Variants in MGAT1 observed in about 807,000 individuals in gnomAD.
MGAT1 encodes alpha-1,3-mannosyl-glycoprotein 2-beta-N-acetylglucosaminyltransferase, also known as N-glycosyl-oligosaccharide-glycoprotein N-acetylglucosaminyltransferase I.
MGAT1 carries 14 observed loss-of-function variants against 31.7 expected under a neutral mutation model. The observed-to-expected ratio is 0.44, with a 90% CI of 0.29 to 0.69. The LOEUF (loss-of-function observed/expected upper bound fraction) is 0.69. Among genes scored for constraint, MGAT1 ranks in the 30% least tolerant of loss-of-function variants. The pLI, the probability that MGAT1 is intolerant of heterozygous loss-of-function variation, is 0.12. For missense variants in MGAT1, 557 were observed against 626.0 expected, an observed-to-expected ratio of 0.89 and a Z score of 1.18; for synonymous variants, 338 against 276.0, an observed-to-expected ratio of 1.22 and a Z score of -2.23.
rs955599860 is a variant in MGAT1 at position 180,790,560 on chromosome 5, C to G, written c.*1074G>C. On this transcript the variant is annotated 3_prime_UTR_variant, in exon 2 of 2. Transcript: ENST00000307826. The stretch of plus-strand genomic sequence containing the variant: ...CATAAATATTTTTCAGACAATTCAG[C>G]CTTTATTTTAGAAAATAATTCTGTA... The G allele has an allele frequency of 1.3e-5, 2 of 152,262 alleles. No individual in the cohort carries two copies. Among genetic ancestry groups the G allele is most frequent in the Non-Finnish European group, 2.9e-5 (2 of 68,068 alleles). The allele number at this position is 152,262 out of a possible 1,614,324, so 9.4% of individuals were successfully genotyped here. A position where few individuals can be genotyped will look rare whatever the true frequency, so the allele number is the denominator to read the frequency against.
Position 180,792,370 on chromosome 5 carries a change from CG to C in MGAT1, c.601del (p.Arg201AlafsTer29). ...WALGQVFRQF[R>X]FPAAVVVEDD... is the part of the protein sequence containing the mutation. The stretch of plus-strand genomic sequence containing the variant: ...CTCCACCACCACGGCCGCGGGGAAG[CG>C]AAACTGCCGGAAGACCTGGCCCAGC... On this transcript the variant is annotated frameshift_variant, in exon 2 of 2. Transcript: ENST00000307826. LOFTEE classifies it high-confidence loss of function. 1 of 1,610,790 alleles carries C rather than the reference CG, an allele frequency of 6.2e-7. No individual in the cohort carries two copies. The highest frequency in any genetic ancestry group is 8.5e-7 in the Non-Finnish European group (1 of 1,178,020).
chr5:180,806,172 G>C (rs959053847), upstream of MGAT1, among the ~76,000 whole-genome samples: 2 of 152,094 alleles, frequency 1.3e-5, no homozygotes, highest in African/African-American at 4.8e-5. Context: ...TGTAGTCCCA[G>C]CTACTTGGGA....
rs76809244 is a variant in MGAT1 at position 180,789,077 on chromosome 5, C to G, written c.*2557G>C. 10,920 of 152,236 alleles carry G rather than the reference C, an allele frequency of 0.072. 510 individuals carry two copies. The highest frequency in any genetic ancestry group is 0.18 in the South Asian group (856 of 4,824). 9.4% of individuals were successfully genotyped at this position (152,236 alleles called of 1,614,324 possible). ...AATATGGCTAAATAATCCATCTAAGCAACAGGGGAAGGCAAAACCCGCTCC... is the reference window on the plus strand; with the variant it reads ...AATATGGCTAAATAATCCATCTAAGGAACAGGGGAAGGCAAAACCCGCTCC... On this transcript the variant is annotated 3_prime_UTR_variant, in exon 2 of 2. Transcript: ENST00000307826.
Position 180,791,806 on chromosome 5 carries a change from G to C in MGAT1, c.1166C>G (p.Thr389Arg). Residue 389 changes from threonine to arginine, a missense_variant, in exon 2 of 2, where the codon ACG becomes AGG. Thr to Arg is a moderately conservative substitution (Grantham distance 71). This residue lies in a region of MGAT1 where 145 missense variants were observed against 143.2 expected (regional missense o/e 1.01). Transcript: ENST00000307826. The part of the protein sequence containing the change: ...KELGEVRVQY[T>R]GRDSFKAFAK... ...GAAAGCCTTGAAGCTGTCCCTGCCC[G>C]TATACTGCACCCGCACCTCCCCCAG... 6.2e-7 allele frequency: 1 copy of C among 1,614,180 alleles called. No individual in the cohort carries two copies. The highest frequency in any genetic ancestry group is 8.5e-7 in the Non-Finnish European group (1 of 1,180,010).
chr5:180,815,373 A>G (rs934290809), intron 1 of MGAT1: 1 of 152,418 alleles, frequency 6.6e-6, no homozygotes, highest in African/African-American at 2.4e-5. Context: ...CACATGTCCA[A>G]TTCCCTGCTT....
At chr5:180,805,480 A>G (rs58072284), upstream of MGAT1, among the ~76,000 whole-genome samples, 23,336 of 152,190 alleles carry the variant, frequency 0.15, 1,977 homozygotes, top group East Asian at 0.24. Flanking sequence ...GGCTGGGCGC[A>G]GTGGCTCACG....
chr5:180,802,398 CGA>C (rs1372206020), intron 1 of MGAT1, among the ~76,000 whole-genome samples: 2 of 152,122 alleles, frequency 1.3e-5, no homozygotes, highest in African/African-American at 4.8e-5. Flanking sequence ...CGCCCGGGGC[CGA>C]GTTTCACAAC....
At chr5:180,800,249 CTCA>C (rs1346173681) in intron 1 of MGAT1, among the ~76,000 whole-genome samples, 1 of 152,188 alleles carries the variant, frequency 6.6e-6, no homozygotes, top group Non-Finnish European at 1.5e-5. Context: ...CCTGTCTCCA[CTCA>C]TGTCTCCTTC....
intron 1 of MGAT1, among the ~76,000 whole-genome samples, chr5:180,800,544 C>G (rs1193230634): frequency 6.6e-6 from 1 of 152,216 alleles, no homozygotes; most frequent in Non-Finnish European, 1.5e-5. Context: ...TAGAACCCCT[C>G]TATGTGGCCT....
rs779750651 is a variant in MGAT1 at position 180,791,817 on chromosome 5, C to T, written c.1155G>A (p.Arg385=). The T allele has an allele frequency of 1.7e-5, 27 of 1,614,102 alleles. No individual in the cohort carries two copies. The Admixed American group carries it at 2.3e-4, about 14-fold the overall frequency. Residue 385 remains arginine (R), a synonymous_variant, in exon 2 of 2, where the codon CGG becomes CGA. Transcript: ENST00000307826. Reference sequence around the variant, plus strand: ...AGCTGTCCCTGCCCGTATACTGCACCCGCACCTCCCCCAGCTCCTTCCGGT... The same window carrying T: ...AGCTGTCCCTGCCCGTATACTGCACTCGCACCTCCCCCAGCTCCTTCCGGT... ...TNDRKELGEV[R]VQYTGRDSFK...
chr5:180,805,420 CTTAAA>C (rs1161361820), upstream of MGAT1, among the ~76,000 whole-genome samples: 1 of 152,158 alleles, frequency 6.6e-6, no homozygotes, highest in Non-Finnish European at 1.5e-5. Flanking sequence ...AATTCATGCC[CTTAAA>C]TTAAAACATA....
intron 1 of MGAT1, chr5:180,795,402 T>A (rs1042070956): frequency 2.0e-5 from 3 of 152,092 alleles, no homozygotes; most frequent in African/African-American, 7.2e-5. Flanking sequence ...CTCAAAAAAC[T>A]TTTTTTAAAA....
rs1768056152 is a variant in MGAT1 at position 180,791,412 on chromosome 5, T to C, written c.*222A>G. 1 of 630,280 alleles carries C rather than the reference T, an allele frequency of 1.6e-6. No homozygotes were observed. Among genetic ancestry groups the C allele is most frequent in the Non-Finnish European group, 2.7e-6 (1 of 366,342 alleles). The allele number at this position is 630,280 out of a possible 1,614,324, so 39.0% of individuals were successfully genotyped here. On this transcript the variant is annotated 3_prime_UTR_variant, in exon 2 of 2. Transcript: ENST00000307826. ...CACCACACAGTGGTTTCCTGCTTAA[T>C]ACCCCGCAACATACCCTAGAATAGT... is the stretch of plus-strand genomic sequence containing the variant.
chr5:180,800,594 G>A (rs555038663), intron 1 of MGAT1, among the ~76,000 whole-genome samples: 1 of 152,320 alleles, frequency 6.6e-6, no homozygotes, highest in African/African-American at 2.4e-5. Context: ...CCAAAGGTGA[G>A]TGTTCCAAGA....
In MGAT1 at chr5:180,790,652, C is replaced by T. The variant is rs11544559; in HGVS notation, c.*982G>A. On this transcript the variant is annotated 3_prime_UTR_variant, in exon 2 of 2. Coordinates refer to ENST00000307826, the MANE Select transcript of MGAT1 (RefSeq NM_002406.4). ...AAAAATCCACCAAGTCCTCTCCATC[C>T]TGCCATGGCGTCCTGGCCTGTGAGG... 6.9e-3 allele frequency: 1,059 copies of T among 152,422 alleles called. 11 individuals are homozygous for T. The highest frequency in any genetic ancestry group is 0.022 in the African/African-American group (915 of 41,546). The allele number at this position is 152,422 out of a possible 1,614,324, so 9.4% of individuals were successfully genotyped here.
At chr5:180,794,250 G>C (rs1025070651) in intron 1 of MGAT1, among the ~76,000 whole-genome samples, 12 of 151,046 alleles carry the variant, frequency 7.9e-5, no homozygotes, top group African/African-American at 2.9e-4. Context: ...AAAAAAGCTG[G>C]GCATGGTGGC....
Position 180,789,925 on chromosome 5 carries a change from CG to C in MGAT1, c.*1708del, listed in dbSNP as rs1200137452. The C allele has an allele frequency of 6.6e-6, 1 of 152,206 alleles. No homozygotes were observed. The highest frequency in any genetic ancestry group is 1.5e-5 in the Non-Finnish European group (1 of 68,054). The allele number at this position is 152,206 out of a possible 1,614,324, so 9.4% of individuals were successfully genotyped here. ...GATTACATGTGTAAGCCACTGCGCC[CG>C]GCCGCGTTTTGTTCTTTTAAATGAA... On this transcript the variant is annotated 3_prime_UTR_variant, in exon 2 of 2. Coordinates refer to ENST00000307826, the MANE Select transcript of MGAT1 (RefSeq NM_002406.4).
In MGAT1 at chr5:180,789,005, C is replaced by T. The variant is rs557217532; in HGVS notation, c.*2629G>A. On this transcript the variant is annotated 3_prime_UTR_variant, in exon 2 of 2. Transcript: ENST00000307826. The stretch of plus-strand genomic sequence containing the variant: ...AATGCAGCTATCGCCGGGCCGATTC[C>T]ACGTCTGAAATCACGGATAATGACC... The T allele has an allele frequency of 1.3e-5, 2 of 152,240 alleles. No individual in the cohort carries two copies. Among genetic ancestry groups the T allele is most frequent in the Non-Finnish European group, 2.9e-5 (2 of 68,050 alleles). 9.4% of individuals were successfully genotyped at this position (152,240 alleles called of 1,614,324 possible). A position where few individuals can be genotyped will look rare whatever the true frequency, so the allele number is the denominator to read the frequency against.
rs142707909 is a variant in MGAT1 at position 180,785,353 on chromosome 5, A to G, written c.*6281T>C. The G allele has an allele frequency of 2.6e-5, 4 of 152,398 alleles. No individual in the cohort carries two copies. The highest frequency in any genetic ancestry group is 7.2e-5 in the African/African-American group (3 of 41,590). 9.4% of individuals were successfully genotyped at this position (152,398 alleles called of 1,614,324 possible). A position where few individuals can be genotyped will look rare whatever the true frequency, so the allele number is the denominator to read the frequency against. On this transcript the variant is annotated 3_prime_UTR_variant, in exon 2 of 2. Transcript: ENST00000307826. ...CAGCAGCTTAAAATACCCGTTTCAC[A>G]TTGCCCACCATTTGTGAGTCAGAAA...
Sources: gnomAD v4.1 joint callset for allele counts (sites outside exome capture counted in the v4.1 genomes callset) on GRCh38, gnomAD v4.1.1 for gene constraint, gnomAD v4.1.1 regional missense constraint, MANE v1.5 for transcripts, NCBI Gene and HGNC (gene_info 2026-07-23, HGNC 2026-07-21) for gene names.